The following ATP6V0E1 variants were observed in gnomAD, a reference collection of about 807,000 sequenced individuals.
ATP6V0E1 encodes the protein ATPase H+ transporting V0 subunit e1.
Under a neutral mutation model 11.6 loss-of-function variants are expected in ATP6V0E1, and 4 were observed. The observed-to-expected ratio is 0.35, with a 90% CI of 0.17 to 0.79. The LOEUF (loss-of-function observed/expected upper bound fraction) is 0.79, where lower values mean the gene tolerates loss of function less well. Ranked by LOEUF, ATP6V0E1 falls within the 30% of genes least tolerant of loss-of-function variation. The probability of loss-of-function intolerance (pLI) is 0.54; values close to 1 mark genes in which losing one functional copy is unlikely to be tolerated. For synonymous variants in ATP6V0E1, 36 were observed against 34.8 expected (o/e 1.04, Z -0.13); for missense variants, 105 against 100.0 (o/e 1.05, Z -0.21).
At chr5:172,995,002 C>T (rs1452109758) in intron 2 of ATP6V0E1, among the ~76,000 whole-genome samples, 180 bp downstream of exon 2, 1 of 152,172 alleles carries the variant, frequency 6.6e-6, no homozygotes, top group East Asian at 1.9e-4. Context: ...CTCTATCCTT[C>T]TGGGAATACA....
chr5:173,028,494 G>A (rs1756595428), intron 3 of ATP6V0E1, among the ~76,000 whole-genome samples: 1 of 152,212 alleles, frequency 6.6e-6, no homozygotes. Context: ...TGGAAAGTAG[G>A]TGTAAGCCAG....
chr5:173,011,071 T>G (rs956070383), intron 2 of ATP6V0E1, among the ~76,000 whole-genome samples: 7 of 152,150 alleles, frequency 4.6e-5, no homozygotes, highest in African/African-American at 1.7e-4. Context: ...TCCCTTTGGG[T>G]TGGCCCCTCA....
chr5:172,998,105 G>A (rs1756094748), intron 2 of ATP6V0E1, among the ~76,000 whole-genome samples: 1 of 146,544 alleles, frequency 6.8e-6, no homozygotes, highest in Admixed American at 6.8e-5. Context: ...GTGATACCCT[G>A]TCTCAAAAAA....
intron 2 of ATP6V0E1, among the ~76,000 whole-genome samples, chr5:173,010,517 T>C (rs949001260): frequency 6.6e-6 from 1 of 152,168 alleles, no homozygotes; most frequent in African/African-American, 2.4e-5. Flanking sequence ...TTCACCGATA[T>C]TTAGTGTTGC....
At chr5:172,993,664 G>A (rs866331877) in intron 1 of ATP6V0E1, among the ~76,000 whole-genome samples, 15 of 149,984 alleles carry the variant, frequency 1.0e-4, no homozygotes, top group Admixed American at 4.0e-4. Flanking sequence ...AGTACAACCT[G>A]GTCAACATAT....
chr5:172,999,845 A>G (rs1245175161), intron 2 of ATP6V0E1, among the ~76,000 whole-genome samples: 4 of 152,292 alleles, frequency 2.6e-5, no homozygotes, highest in East Asian at 3.9e-4. Context: ...GCTGGATAGT[A>G]TTGACTTTAT....
At chr5:173,027,287 AC>A (rs1340340806) in intron 3 of ATP6V0E1, among the ~76,000 whole-genome samples, 2 of 148,014 alleles carry the variant, frequency 1.4e-5, no homozygotes, top group African/African-American at 5.0e-5. Context: ...GGAGATCGAG[AC>A]CATCCTGGCT....
intron 1 of ATP6V0E1, 108 bp downstream of exon 1, chr5:172,984,072 C>T (rs1294643833): frequency 3.7e-6 from 4 of 1,091,484 alleles, no homozygotes; most frequent in Admixed American, 1.8e-5. Flanking sequence ...GCATGGGCGC[C>T]CCCCGCGCTG....
intron 1 of ATP6V0E1, among the ~76,000 whole-genome samples, chr5:172,987,456 G>C (rs1755913744): frequency 6.6e-6 from 1 of 151,906 alleles, no homozygotes; most frequent in Non-Finnish European, 1.5e-5. Flanking sequence ...GCTAATTTTT[G>C]TATTTTCAGT....
chr5:173,024,370 G>GTTGTGTTTTGTTGTTGTTGTTTT (rs1756525683), intron 3 of ATP6V0E1, among the ~76,000 whole-genome samples: 1 of 151,788 alleles, frequency 6.6e-6, no homozygotes, highest in African/African-American at 2.4e-5. Context: ...CCTTTATATG[G>GTTGTGTTTTGTTGTTGTTGTTTT]TTGTGTTTTG....
At chr5:173,029,382 C>T (rs986557629) in intron 3 of ATP6V0E1, among the ~76,000 whole-genome samples, 4 of 152,146 alleles carry the variant, frequency 2.6e-5, no homozygotes, top group South Asian at 2.1e-4. Context: ...CAGAACCTGT[C>T]GCGTCACTTT....
rs530570201 is a variant in ATP6V0E1 at position 173,003,528 on chromosome 5, T to C, written c.152+8706T>C. ...TCTGGCTGCTCTGTGGAGAACAGAC[T>C]GTTTGGCGGGGAGAATGGAAGCAGG... On this transcript the variant is annotated intron_variant, in intron 2 of 3. Transcript: ENST00000519374. Among the ~76,000 whole-genome samples, 27 of 152,300 alleles carry C rather than the reference T, an allele frequency of 1.8e-4. No individual in the cohort carries two copies. In the South Asian group the frequency reaches 5.6e-3, roughly 32 times the overall value.
rs501745 is a variant in ATP6V0E1 at position 172,991,964 on chromosome 5, T to A, written c.105-2811T>A. On this transcript the variant is annotated intron_variant, in intron 1 of 3. Transcript: ENST00000519374. ...CCCTCCAAATAACTGCCCTTTTCTT[T>A]CCTTCTTCCTTTATTTTTCTTTCTT... 5.8e-3 allele frequency among the ~76,000 whole-genome samples: 881 copies of A among 152,108 alleles called. 6 individuals are homozygous for A. Among genetic ancestry groups the A allele is most frequent in the African/African-American group, 0.02 (831 of 41,478 alleles).
At chr5:173,022,968 A>C (rs75320231) in intron 3 of ATP6V0E1, among the ~76,000 whole-genome samples, 5,515 of 151,790 alleles carry the variant, frequency 0.036, 323 homozygotes, top group African/African-American at 0.12. Context: ...TGGGCTCCCG[A>C]GATCGACCTG....
At chr5:173,015,660 A>G (rs114944404) in intron 2 of ATP6V0E1, among the ~76,000 whole-genome samples, 47 of 152,316 alleles carry the variant, frequency 3.1e-4, no homozygotes, top group African/African-American at 1.1e-3. Flanking sequence ...TCCCAGGAAG[A>G]GCATGAGAAC....
chr5:173,026,440 A>G (rs1470751178), intron 3 of ATP6V0E1, among the ~76,000 whole-genome samples: 2 of 152,204 alleles, frequency 1.3e-5, no homozygotes, highest in African/African-American at 4.8e-5. Context: ...TCCAAAGTCA[A>G]ATTATGAACA....
At chr5:173,032,456 T>C (rs1372634427) in intron 3 of ATP6V0E1, among the ~76,000 whole-genome samples, 1 of 151,556 alleles carries the variant, frequency 6.6e-6, no homozygotes, top group African/African-American at 2.4e-5. Context: ...AGCTGGCTAA[T>C]TTTTTTGTAT....
At chr5:173,008,922 A>C (rs1241270491) in intron 2 of ATP6V0E1, among the ~76,000 whole-genome samples, 12 of 148,446 alleles carry the variant, frequency 8.1e-5, no homozygotes, top group Admixed American at 6.7e-4. Context: ...AAAAAAAAAA[A>C]AAAAAAAAAA....
intron 3 of ATP6V0E1, among the ~76,000 whole-genome samples, chr5:173,026,882 A>C (rs1023043420): frequency 3.3e-5 from 5 of 152,306 alleles, no homozygotes; most frequent in African/African-American, 1.2e-4. Flanking sequence ...ATTCCCATCA[A>C]CAGTATATGA....
Sources: gnomAD v4.1 joint callset for allele counts (sites outside exome capture counted in the v4.1 genomes callset) on GRCh38, gnomAD v4.1.1 for gene constraint, MANE v1.5 for transcripts, NCBI Gene and HGNC (gene_info 2026-07-23, HGNC 2026-07-21) for gene names.